EYS: variants seen among roughly 807,000 people sequenced by gnomAD.
The protein encoded by EYS is protein eyes shut homolog.
EYS carries 250 observed loss-of-function variants against 282.1 expected under a neutral mutation model. That is an observed-to-expected ratio of 0.89 (90% CI 0.80 to 0.98). The LOEUF is 0.98. Ranked by LOEUF, EYS falls within the 50% of genes least tolerant of loss-of-function variation. EYS has a pLI of 0.00. For synonymous variants in EYS, 1,355 were observed against 1,282.9 expected, an observed-to-expected ratio of 1.06 and a Z score of -1.20; for missense variants, 4,016 against 3,709.0, an observed-to-expected ratio of 1.08 and a Z score of -2.15.
At chr6:64,420,947 C>A (rs935499342) in intron 28 of EYS, among the ~76,000 whole-genome samples, 2 of 152,124 alleles carry the variant, frequency 1.3e-5, no homozygotes, top group Admixed American at 1.3e-4. Context: ...TCTTCTGAAC[C>A]CTCCAAACTA....
rs151212352 is a variant in EYS at position 65,610,358 on chromosome 6, C to T, written c.-333+29420G>A. On this transcript the variant is annotated intron_variant, in intron 2 of 42. Coordinates refer to ENST00000503581, the MANE Select transcript of EYS (RefSeq NM_001142800.2). ...CCTCAAACTCATAGGGATTATTTAT[C>T]TTCATTAGTCATTAATTGCTAACAA... Among the ~76,000 whole-genome samples, 798 of 151,912 alleles carry T rather than the reference C, an allele frequency of 5.3e-3. 24 individuals are homozygous for T. Among genetic ancestry groups the T allele is most frequent in the East Asian group, 0.042 (216 of 5,156 alleles).
At position 64,813,591 on chromosome 6, in the gene EYS, T is replaced by G; in HGVS notation, c.3244-14A>C. The G allele has an allele frequency of 6.7e-7, 1 of 1,503,146 alleles. No individual in the cohort carries two copies. Among genetic ancestry groups the G allele is most frequent in the African/African-American group, 1.4e-5 (1 of 71,256 alleles). 93.1% of individuals were successfully genotyped at this position (1,503,146 alleles called of 1,614,324 possible). On this transcript the variant is annotated splice_polypyrimidine_tract_variant and intron_variant, in intron 21 of 42. Transcript: ENST00000503581. ...TGATGTGCAGTCCTAGATTAAGAAA[T>G]AGAGAATCAAATTTGATTATTAGTA...
chr6:64,473,327 A>C (rs1776172375), intron 26 of EYS, among the ~76,000 whole-genome samples: 1 of 152,230 alleles, frequency 6.6e-6, no homozygotes, highest in African/African-American at 2.4e-5. Flanking sequence ...CATTTATCTT[A>C]ATGTGAAATA....
At chr6:65,677,550 T>C (rs1261924356) in intron 1 of EYS, among the ~76,000 whole-genome samples, 1 of 151,852 alleles carries the variant, frequency 6.6e-6, no homozygotes, top group Non-Finnish European at 1.5e-5. Flanking sequence ...TGAAAGAAAT[T>C]AAAGGAGACA....
At chr6:64,065,453 GC>G (rs1437534186) in intron 33 of EYS, among the ~76,000 whole-genome samples, 1 of 152,068 alleles carries the variant, frequency 6.6e-6, no homozygotes, top group African/African-American at 2.4e-5. Context: ...GTTTAGTAAT[GC>G]CCCTGAGATG....
intron 2 of EYS, among the ~76,000 whole-genome samples, chr6:65,522,530 C>T (rs901640764): frequency 2.0e-5 from 3 of 151,924 alleles, no homozygotes; most frequent in Non-Finnish European, 2.9e-5. Context: ...TTGAGAGAGT[C>T]GATCTGTCAT....
At chr6:64,355,345 A>C (rs974734791) in intron 29 of EYS, among the ~76,000 whole-genome samples, 7 of 151,530 alleles carry the variant, frequency 4.6e-5, no homozygotes, top group Non-Finnish European at 8.9e-5. Flanking sequence ...CATTAGTAAA[A>C]TGGGAATAAT....
At chr6:65,618,708 T>A (rs755494851) in intron 2 of EYS, among the ~76,000 whole-genome samples, 4 of 152,220 alleles carry the variant, frequency 2.6e-5, no homozygotes, top group Non-Finnish European at 4.4e-5. Context: ...AAGTCTTTAA[T>A]CCATCTTGAA....
intron 29 of EYS, among the ~76,000 whole-genome samples, chr6:64,380,021 T>TATCA (rs1772692102): frequency 6.6e-6 from 1 of 152,188 alleles, no homozygotes; most frequent in Non-Finnish European, 1.5e-5. Context: ...GTATTTTTTC[T>TATCA]ATCAACTCAA....
chr6:64,761,077 C>T (rs1374796491), intron 22 of EYS, among the ~76,000 whole-genome samples: 3 of 152,140 alleles, frequency 2.0e-5, no homozygotes, highest in East Asian at 1.9e-4. Context: ...TTGGGGGTTT[C>T]GTAACTCTAC....
rs201156936 is a variant in EYS, at chr6:65,317,825, C to CCTTTCTTTCTTTCTTTCTTT, written c.1766+17135_1766+17154dup. Among the ~76,000 whole-genome samples the CCTTTCTTTCTTTCTTTCTTT allele has an allele frequency of 4.2e-4, 34 of 81,274 alleles. 1 individual carries two copies. Among genetic ancestry groups the CCTTTCTTTCTTTCTTTCTTT allele is most frequent in the Non-Finnish European group, 5.5e-4 (22 of 39,868 alleles). 53.3% of individuals were successfully genotyped at this position (81,274 alleles called of 152,430 possible). On this transcript the variant is annotated intron_variant, in intron 11 of 42. Transcript: ENST00000503581. ...TCCTTCCTTCCTTCCTTCCTTCCTT[C>CCTTTCTTTCTTTCTTTCTTT]CTTTCTTTCTTTCTTTCTTTCTTTC...
chr6:64,602,694 G>A (rs1766800308), intron 24 of EYS, among the ~76,000 whole-genome samples: 1 of 151,862 alleles, frequency 6.6e-6, no homozygotes, highest in Admixed American at 6.6e-5. Context: ...AACTAAGTAA[G>A]CTCAAAGCCA....
At chr6:64,506,047 C>CA (rs796673110) in intron 26 of EYS, among the ~76,000 whole-genome samples, 6 of 152,242 alleles carry the variant, frequency 3.9e-5, no homozygotes, top group African/African-American at 1.4e-4. Flanking sequence ...GAAAGTCATG[C>CA]AATCTCCTGA....
intron 31 of EYS, among the ~76,000 whole-genome samples, chr6:64,103,077 C>T (rs897852229): frequency 2.0e-5 from 3 of 151,956 alleles, no homozygotes; most frequent in African/African-American, 7.2e-5. Flanking sequence ...CACATGATGC[C>T]TTTACAATAG....
At chr6:64,995,722 C>CG (rs1554225554) in intron 14 of EYS, among the ~76,000 whole-genome samples, 1 of 149,266 alleles carries the variant, frequency 6.7e-6, no homozygotes, top group African/African-American at 2.4e-5. Flanking sequence ...GCTTCCCCCC[C>CG]GCCCCATATT....
At chr6:65,259,863 TG>T (rs1408296916) in intron 12 of EYS, among the ~76,000 whole-genome samples, 2 of 152,240 alleles carry the variant, frequency 1.3e-5, no homozygotes, top group East Asian at 3.9e-4. Context: ...ACTCCAGTTC[TG>T]CCTGGAGTAG....
chr6:65,104,861 C>A lies in EYS; in HGVS notation c.2024-47134G>T, dbSNP rs114108389. On this transcript the variant is annotated intron_variant, in intron 12 of 42. Transcript: ENST00000503581. ...TTTTATCATTGTAAATATGTGGATT[C>A]AAATAATATATTTTCTGAAAACACA... Among the ~76,000 whole-genome samples, 1,134 of 151,540 alleles carry A rather than the reference C, an allele frequency of 7.5e-3. 23 individuals carry two copies. Among genetic ancestry groups the A allele is most frequent in the African/African-American group, 0.025 (1,017 of 41,474 alleles).
At chr6:64,023,767 A>G (rs532382395) in intron 33 of EYS, among the ~76,000 whole-genome samples, 12 of 152,156 alleles carry the variant, frequency 7.9e-5, no homozygotes, top group African/African-American at 2.9e-4. Context: ...GCTTGCGAGG[A>G]GGTGTGGAGG....
chr6:64,486,013 A>C (rs925356722), intron 26 of EYS, among the ~76,000 whole-genome samples: 8 of 151,506 alleles, frequency 5.3e-5, no homozygotes, highest in Non-Finnish European at 1.2e-4. Context: ...TTAAAGAAGT[A>C]ATAGCTATTT....
Sources: allele counts gnomAD v4.1 joint callset (sites outside exome capture counted in the v4.1 genomes callset), GRCh38; gene constraint gnomAD v4.1.1; transcripts MANE v1.5; gene names NCBI Gene and HGNC (gene_info 2026-07-23, HGNC 2026-07-21).